The following RBFOX1 variants were observed in gnomAD, a reference collection of about 807,000 sequenced individuals.
RBFOX1 encodes the protein RNA binding fox-1 homolog 1.
Under a neutral mutation model 57.7 loss-of-function variants are expected in RBFOX1, and 8 were observed. That is an observed-to-expected ratio of 0.14 (90% CI 0.08 to 0.25). RBFOX1 has a LOEUF of 0.25. RBFOX1 is among the 10% of genes least tolerant of loss of function. RBFOX1 has a pLI of 1.00. For synonymous variants in RBFOX1, 326 were observed against 222.4 expected (o/e 1.47, Z -4.15); for missense variants, 611 against 548.5 (o/e 1.11, Z -1.14).
chr16:5,419,725 A>C (rs548016043), intron 1 of RBFOX1, among the ~76,000 whole-genome samples: 1 of 152,156 alleles, frequency 6.6e-6, no homozygotes, highest in East Asian at 1.9e-4. Context: ...TCATCTGAAC[A>C]CAAAAGACCT....
At chr16:7,485,243 C>T (rs563800074) in intron 4 of RBFOX1, among the ~76,000 whole-genome samples, 3 of 152,314 alleles carry the variant, frequency 2.0e-5, no homozygotes, top group Non-Finnish European at 4.4e-5. Flanking sequence ...TTTATGCATG[C>T]ACACACAGCT....
At chr16:5,420,976 T>TCC (rs2067307202) in intron 1 of RBFOX1, among the ~76,000 whole-genome samples, 3 of 124,062 alleles carry the variant, frequency 2.4e-5, no homozygotes, top group African/African-American at 1.1e-4. Context: ...TTCCTCCTCC[T>TCC]TCTTCCCTTC....
intron 3 of RBFOX1, among the ~76,000 whole-genome samples, chr16:6,836,726 G>A (rs1603630586): frequency 6.6e-6 from 1 of 152,050 alleles, no homozygotes; most frequent in Admixed American, 6.5e-5. Context: ...CAATAACATA[G>A]TTCTTTGCAT....
At chr16:5,381,153 T>G (rs1257379207) in intron 1 of RBFOX1, among the ~76,000 whole-genome samples, 1 of 152,158 alleles carries the variant, frequency 6.6e-6, no homozygotes, top group African/African-American at 2.4e-5. Flanking sequence ...AGAGCTAGTA[T>G]GGGGTCCTGG....
chr16:5,379,793 TG>T (rs1199006521), intron 1 of RBFOX1, among the ~76,000 whole-genome samples: 1 of 152,212 alleles, frequency 6.6e-6, no homozygotes, highest in Non-Finnish European at 1.5e-5. Context: ...CCCTTTGATC[TG>T]CTTTATAGAT....
chr16:7,202,897 C>CT lies in RBFOX1; in HGVS notation c.27+150808dup, dbSNP rs1039009670. Among the ~76,000 whole-genome samples the CT allele has an allele frequency of 1.1e-3, 169 of 151,556 alleles. 1 individual carries two copies. The highest frequency in any genetic ancestry group is 3.4e-3 in the African/African-American group (142 of 41,312). On this transcript the variant is annotated intron_variant, in intron 4 of 15. Transcript: ENST00000550418. Reference sequence around the variant, plus strand: ...TGAAGTACAGCCTCAAAGAAATGTTCTTTTTTTTTGAGACCGAGTCTCACT... The same window carrying CT: ...TGAAGTACAGCCTCAAAGAAATGTTCTTTTTTTTTTGAGACCGAGTCTCACT...
At position 6,859,112 on chromosome 16, in the gene RBFOX1, T is replaced by TGTATATATAC. The variant is rs2058429966; in HGVS notation, c.-15-192945_-15-192944insGTATATATAC. ...GTGTTGTATTGTCCTAAAAAAAGTG[T>TGTATATATAC]ATATATATATATATATACATATATA... is the stretch of plus-strand genomic sequence containing the variant. On this transcript the variant is annotated intron_variant, in intron 3 of 15. Transcript: ENST00000550418. Among the ~76,000 whole-genome samples the TGTATATATAC allele has an allele frequency of 6.3e-5, 4 of 63,374 alleles. 1 individual carries two copies. Among genetic ancestry groups the TGTATATATAC allele is most frequent in the African/African-American group, 4.1e-4 (4 of 9,876 alleles). The allele number at this position is 63,374 out of a possible 152,430, so 41.6% of individuals were successfully genotyped here. A position where few individuals can be genotyped will look rare whatever the true frequency, so the allele number is the denominator to read the frequency against.
intron 3 of RBFOX1, among the ~76,000 whole-genome samples, chr16:6,903,260 C>T (rs1485981231): frequency 6.6e-6 from 1 of 152,116 alleles, no homozygotes; most frequent in Non-Finnish European, 1.5e-5. Context: ...TAGCTGCCGC[C>T]AGGGGAGCTC....
intron 3 of RBFOX1, among the ~76,000 whole-genome samples, chr16:6,919,183 A>G (rs188794353): frequency 1.3e-5 from 2 of 152,022 alleles, no homozygotes; most frequent in African/African-American, 2.4e-5. Flanking sequence ...GGGTTTCACC[A>G]TGTTGGCCAG....
At chr16:7,695,639 A>C (rs1280702765) in intron 14 of RBFOX1, among the ~76,000 whole-genome samples, 1 of 128,228 alleles carries the variant, frequency 7.8e-6, no homozygotes, top group Non-Finnish European at 1.6e-5. Flanking sequence ...ACGACAGAGC[A>C]AGCCTCCATC....
chr16:5,240,845 C>A (rs1011550397), intron 1 of RBFOX1, among the ~76,000 whole-genome samples: 3 of 152,140 alleles, frequency 2.0e-5, no homozygotes, highest in African/African-American at 7.2e-5. Flanking sequence ...TTTCTGCTTT[C>A]CTACCCCAAC....
At chr16:7,401,609 A>G (rs527282872) in intron 4 of RBFOX1, among the ~76,000 whole-genome samples, 1 of 152,354 alleles carries the variant, frequency 6.6e-6, no homozygotes, top group South Asian at 2.1e-4. Flanking sequence ...TGATTCTGGC[A>G]ATAGGTAAAT....
At position 5,885,584 on chromosome 16, in the gene RBFOX1, G is replaced by A. The variant is rs143224070; in HGVS notation, c.351+18249G>A. 7.6e-3 allele frequency among the ~76,000 whole-genome samples: 1,152 copies of A among 152,204 alleles called. 11 individuals carry two copies. The highest frequency in any genetic ancestry group is 8.0e-3 in the Non-Finnish European group (541 of 68,012). ...GATGGGTAAGAGTGTTTGGGACAGG[G>A]CTAATGGTCTCTGAAGACCCCTGGC... On this transcript the variant is annotated intron_variant, in intron 4 of 19. Coordinates refer to the RBFOX1 transcript ENST00000641259.
chr16:7,666,389 GA>G (rs3837770), intron 13 of RBFOX1, among the ~76,000 whole-genome samples: 5 of 150,818 alleles, frequency 3.3e-5, no homozygotes, highest in African/African-American at 7.3e-5. Context: ...ACCTACCCAA[GA>G]AAAAAAAAAT....
chr16:7,218,181 G>T (rs1270278442), intron 4 of RBFOX1, among the ~76,000 whole-genome samples: 1 of 152,198 alleles, frequency 6.6e-6, no homozygotes, highest in Non-Finnish European at 1.5e-5. Context: ...TCCTTTGCCT[G>T]AGTAGGTGGG....
intron 3 of RBFOX1, among the ~76,000 whole-genome samples, chr16:6,909,408 C>T (rs913292244): frequency 6.6e-6 from 1 of 152,190 alleles, no homozygotes; most frequent in African/African-American, 2.4e-5. Context: ...TCCTTTATTA[C>T]ATCTGCCAAG....
intron 1 of RBFOX1, among the ~76,000 whole-genome samples, chr16:5,337,269 G>T (rs947827778): frequency 7.9e-5 from 12 of 152,232 alleles, no homozygotes; most frequent in African/African-American, 2.7e-4. Context: ...CTATTGGGAT[G>T]TGTATAAGGC....
At chr16:7,135,507 T>G (rs575434864) in intron 4 of RBFOX1, among the ~76,000 whole-genome samples, 1 of 152,216 alleles carries the variant, frequency 6.6e-6, no homozygotes, top group Admixed American at 6.5e-5. Context: ...GTTTTTGTAA[T>G]GAGGAAAAAG....
intron 3 of RBFOX1, among the ~76,000 whole-genome samples, chr16:6,831,687 A>C (rs946986723): frequency 1.3e-5 from 2 of 152,282 alleles, no homozygotes; most frequent in East Asian, 1.9e-4. Flanking sequence ...AACCAGTTCT[A>C]TTATTTTTAA....
Sources: gnomAD v4.1 joint callset for allele counts (sites outside exome capture counted in the v4.1 genomes callset) on GRCh38, gnomAD v4.1.1 for gene constraint, MANE v1.5 for transcripts, NCBI Gene and HGNC (gene_info 2026-07-23, HGNC 2026-07-21) for gene names.